CLCN2: variants seen among roughly 807,000 people sequenced by gnomAD.
The protein encoded by CLCN2 is chloride channel protein 2.
A neutral mutation model predicts 108.3 loss-of-function variants in CLCN2; 72 were observed. That is an observed-to-expected ratio of 0.66 (90% CI 0.55 to 0.81). CLCN2 has a LOEUF of 0.81. Ranked by LOEUF, CLCN2 falls within the 30% of genes least tolerant of loss-of-function variation. The pLI is 0.00. For missense variants in CLCN2, 1,048 were observed against 1,205.2 expected (o/e 0.87, Z 1.93); for synonymous variants, 471 against 467.1 (o/e 1.01, Z -0.11).
chr3:184,359,250 C>T (rs932919957), intron 1 of CLCN2, 119 bp from the exon 2 acceptor site: 18 of 1,251,670 alleles, frequency 1.4e-5, no homozygotes, highest in Middle Eastern at 1.9e-4. Flanking sequence ...CCCTCTTGAA[C>T]GCACAGTTCC....
chr3:184,357,880 G>A lies in CLCN2; in HGVS notation c.616-24C>T, dbSNP rs368614394. Reference sequence around the variant, plus strand: ...CCCTGCGGGGTGGGGCAGGCGGTGAGTCGGGAGGGGGCCCGCCCTGACCTT... The same window carrying A: ...CCCTGCGGGGTGGGGCAGGCGGTGAATCGGGAGGGGGCCCGCCCTGACCTT... On this transcript the variant is annotated intron_variant, in intron 5 of 23. Coordinates refer to ENST00000265593, the MANE Select transcript of CLCN2 (RefSeq NM_004366.6). The A allele has an allele frequency of 3.1e-6, 5 of 1,613,484 alleles. No individual in the cohort carries two copies. The South Asian group carries it at 3.3e-5, about 11-fold the overall frequency.
In CLCN2 at chr3:184,353,300, G is replaced by A. The variant is rs753629814; in HGVS notation, c.1978C>T (p.Leu660=). The A allele has an allele frequency of 4.3e-6, 7 of 1,613,688 alleles. No homozygotes were observed. The Admixed American group carries it at 5.0e-5, about 12-fold the overall frequency. ...GTAGGGGGACCCTCCTGATCAGATA[G>A]TGGAGAGGTCTGGGTGGCTCTGCGC... is the stretch of plus-strand genomic sequence containing the variant. The part of the protein sequence containing the change: ...QERRATQTSP[L]SDQEGPPTPE... Residue 660 remains leucine, a synonymous_variant, in exon 17 of 24, where the codon CTA becomes TTA. Coordinates refer to ENST00000265593, the MANE Select transcript of CLCN2 (RefSeq NM_004366.6).
At chr3:184,352,522 G>A (rs1462484179) in intron 19 of CLCN2, 26 bp from the exon 20 acceptor site, 3 of 1,609,944 alleles carry the variant, frequency 1.9e-6, no homozygotes, top group Non-Finnish European at 2.5e-6. Flanking sequence ...AGCCAAACCA[G>A]AAAGATGAGG....
intron 10 of CLCN2, 26 bp downstream of exon 10, chr3:184,356,967 C>T (rs977017601): frequency 1.9e-6 from 3 of 1,564,846 alleles, no homozygotes; most frequent in African/African-American, 2.7e-5. Context: ...TCAAAGCAGC[C>T]TGGAGAGGAG....
intron 19 of CLCN2, 32 bp from the exon 20 acceptor site, chr3:184,352,528 T>G (rs777499829): frequency 6.2e-7 from 1 of 1,606,334 alleles, no homozygotes; most frequent in Non-Finnish European, 8.5e-7. Context: ...ACCAGAAAGA[T>G]GAGGAGTTGA....
chr3:184,359,617 G>A (rs374599015), intron 1 of CLCN2, among the ~76,000 whole-genome samples: 96 of 152,282 alleles, frequency 6.3e-4, no homozygotes, highest in African/African-American at 2.2e-3. Context: ...CTGGGCCTCC[G>A]GCCTGTGACC....
At chr3:184,350,083 T>G (rs576529520) in intron 22 of CLCN2, among the ~76,000 whole-genome samples, 1 of 152,268 alleles carries the variant, frequency 6.6e-6, no homozygotes, top group African/African-American at 2.4e-5. Context: ...TCTAGTTCTT[T>G]GTACTTTTGT....
chr3:184,361,272 C>G lies in CLCN2; in HGVS notation c.63+145G>C. On this transcript the variant is annotated intron_variant, in intron 1 of 23. Coordinates refer to ENST00000265593, the MANE Select transcript of CLCN2 (RefSeq NM_004366.6). The surrounding 1 kb of genome is among the most constrained non-coding windows in gnomAD (Gnocchi z 6.6). The stretch of plus-strand genomic sequence containing the variant: ...GCAGTTTTCCATCCCTTCGGCCCTG[C>G]AGCCTCAGACTTCCAAGCCTCAGTT... The G allele has an allele frequency of 1.1e-6, 1 of 895,204 alleles. No homozygotes were observed. Among genetic ancestry groups the G allele is most frequent in the Admixed American group, 1.9e-5 (1 of 52,792 alleles). 55.5% of individuals were successfully genotyped at this position (895,204 alleles called of 1,614,324 possible).
chr3:184,358,052 CA>C lies in CLCN2; in HGVS notation c.524del (p.Val175GlyfsTer2), dbSNP rs770904743. On this transcript the variant is annotated frameshift_variant, in exon 5 of 24. Transcript: ENST00000265593. LOFTEE classifies it high-confidence loss of function. Reference protein sequence around the residue: ...PEMKTILRGVVLKEYLTLKTF... With the variant: ...PEMKTILRGVXLKEYLTLKTF... ...TCTTGAGTGTGAGGTATTCTTTCAGCACCACTCCCCGCAAGATGGTCTTCAT... is the reference window on the plus strand; with the variant it reads ...TCTTGAGTGTGAGGTATTCTTTCAGCCCACTCCCCGCAAGATGGTCTTCAT... 1.2e-6 allele frequency: 2 copies of C among 1,614,124 alleles called. No homozygotes were observed. The highest frequency in any genetic ancestry group is 2.2e-5 in the South Asian group (2 of 91,088).
chr3:184,361,504 C>T lies in CLCN2; in HGVS notation c.-25G>A, dbSNP rs1312113266. On this transcript the variant is annotated 5_prime_UTR_variant, in exon 1 of 24. Coordinates refer to ENST00000265593, the MANE Select transcript of CLCN2 (RefSeq NM_004366.6). The surrounding 1 kb of genome is among the most constrained non-coding windows in gnomAD (Gnocchi z 6.6). ...TCTCCGCGCACTGCCCTCTCGCCTCCCTCGGCGGTTCCGGCTCTGTCCTGG... is the reference window on the plus strand; with the variant it reads ...TCTCCGCGCACTGCCCTCTCGCCTCTCTCGGCGGTTCCGGCTCTGTCCTGG... 1 of 1,607,962 alleles carries T rather than the reference C, an allele frequency of 6.2e-7. No homozygotes were observed. Among genetic ancestry groups the T allele is most frequent in the Non-Finnish European group, 8.5e-7 (1 of 1,179,610 alleles).
chr3:184,361,333 G>A lies in CLCN2; in HGVS notation c.63+84C>T. On this transcript the variant is annotated intron_variant, in intron 1 of 23. Coordinates refer to ENST00000265593, the MANE Select transcript of CLCN2 (RefSeq NM_004366.6). The surrounding 1 kb of genome is among the most constrained non-coding windows in gnomAD (Gnocchi z 6.6). ...AAAATGCTAGGACAGGATTAGGGTAGGCCCCTGGTCCTCGCGCTTCCCAGG... is the reference window on the plus strand; with the variant it reads ...AAAATGCTAGGACAGGATTAGGGTAAGCCCCTGGTCCTCGCGCTTCCCAGG... 1 of 1,372,364 alleles carries A rather than the reference G, an allele frequency of 7.3e-7. No homozygotes were observed. The highest frequency in any genetic ancestry group is 1.0e-6 in the Non-Finnish European group (1 of 961,500). The allele number at this position is 1,372,364 out of a possible 1,614,324, so 85.0% of individuals were successfully genotyped here.
intron 14 of CLCN2, 86 bp downstream of exon 14, chr3:184,354,462 C>A: frequency 7.4e-7 from 1 of 1,345,142 alleles, no homozygotes; most frequent in Non-Finnish European, 1.1e-6. Context: ...TGGTTTCTGC[C>A]AGCAGGGGGC....
chr3:184,351,879 A>C, intron 22 of CLCN2, 134 bp downstream of exon 22: 1 of 759,762 alleles, frequency 1.3e-6, no homozygotes, highest in Non-Finnish European at 2.4e-6. Context: ...TGTCTAAAAA[A>C]CATCTCCGCA....
chr3:184,348,813 C>T (rs1005388517), intron 22 of CLCN2: 4 of 152,214 alleles, frequency 2.6e-5, no homozygotes, highest in African/African-American at 7.2e-5. Flanking sequence ...GTTTGCAAAC[C>T]ACTTGCCCCT....
Position 184,357,806 on chromosome 3 carries a change from G to A in CLCN2, c.666C>T (p.Phe222=). ...ASMCAALLSK[F]LSLFGGIYEN... ...CATAGATACCCCCAAAGAGGGAGAG[G>A]AACTTGCTGAGAAGGGCAGCACACA... Residue 222 remains phenylalanine, a synonymous_variant, in exon 6 of 24, where the codon TTC becomes TTT. Coordinates refer to ENST00000265593, the MANE Select transcript of CLCN2 (RefSeq NM_004366.6). The A allele has an allele frequency of 6.2e-7, 1 of 1,614,000 alleles. No homozygotes were observed. The highest frequency in any genetic ancestry group is 8.5e-7 in the Non-Finnish European group (1 of 1,180,014).
intron 3 of CLCN2, 89 bp downstream of exon 3, chr3:184,358,593 C>T (rs571004956): frequency 2.8e-5 from 42 of 1,523,752 alleles, no homozygotes; most frequent in Non-Finnish European, 3.6e-5. Flanking sequence ...GGCCAAGAAG[C>T]CAAGACGCCT....
chr3:184,352,911 C>A lies in CLCN2; in HGVS notation c.2144-101G>T, dbSNP rs558195166. On this transcript the variant is annotated intron_variant, in intron 18 of 23. Coordinates refer to ENST00000265593, the MANE Select transcript of CLCN2 (RefSeq NM_004366.6). ...CAGGGAGAGGTATCCCAGTTCCAGC[C>A]CTGGCCCATGTGGGCAGCCTCTTCC... is the stretch of plus-strand genomic sequence containing the variant. 5.6e-5 allele frequency: 87 copies of A among 1,546,224 alleles called. 1 individual carries two copies. In the South Asian group the frequency reaches 8.8e-4, roughly 16 times the overall value.
At position 184,355,729 on chromosome 3, in the gene CLCN2, A is replaced by G. The variant is rs745547651; in HGVS notation, c.1135T>C (p.Phe379Leu). 2 of 1,614,198 alleles carry G rather than the reference A, an allele frequency of 1.2e-6. No individual in the cohort carries two copies. Among genetic ancestry groups the G allele is most frequent in the African/African-American group, 2.7e-5 (2 of 75,038 alleles). Residue 379 changes from phenylalanine to leucine, a missense_variant, in exon 11 of 24, where the codon TTC (phenylalanine) becomes CTC (leucine). By Grantham distance (22) the Phe-to-Leu change is conservative. Coordinates refer to ENST00000265593, the MANE Select transcript of CLCN2 (RefSeq NM_004366.6). This position sits in a 1 kb window ranked among gnomAD's most constrained non-coding sequence, Gnocchi z 6.3. ...LVTLLISTLT[F>L]PPGFGQFMAG... ...ATGAACTGTCCAAAGCCAGGGGGGA[A>G]GGTCAGCGTGGAGATGAGCAGGGTC...
Position 184,357,859 on chromosome 3 carries a change from G to A in CLCN2, c.616-3C>T. 6.2e-7 allele frequency: 1 copy of A among 1,613,846 alleles called. No individual in the cohort carries two copies. Among genetic ancestry groups the A allele is most frequent in the South Asian group, 1.1e-5 (1 of 91,086 alleles). Reference sequence around the variant, plus strand: ...CTTGCGATATGCACAAAAGGGCCCTGCGGGGTGGGGCAGGCGGTGAGTCGG... The same window carrying A: ...CTTGCGATATGCACAAAAGGGCCCTACGGGGTGGGGCAGGCGGTGAGTCGG... On this transcript the variant is annotated splice_region_variant and splice_polypyrimidine_tract_variant and intron_variant, in intron 5 of 23. Transcript: ENST00000265593.
Sources: allele counts gnomAD v4.1 joint callset (sites outside exome capture counted in the v4.1 genomes callset), GRCh38; gene constraint gnomAD v4.1.1; non-coding constraint Gnocchi (gnomAD v3.1); transcripts MANE v1.5; gene names NCBI Gene and HGNC (gene_info 2026-07-23, HGNC 2026-07-21).